The following SDK1 variants were observed in gnomAD, a reference collection of about 807,000 sequenced individuals.
SDK1 encodes protein sidekick-1.
A neutral mutation model predicts 245.5 loss-of-function variants in SDK1; 157 were observed. The ratio of observed to expected loss-of-function variants is 0.64; its 90% confidence interval spans 0.56 to 0.73. SDK1 has a LOEUF of 0.73. SDK1 is among the 30% of genes least tolerant of loss of function. The pLI is 0.00. For missense variants in SDK1, 3,583 were observed against 3,002.3 expected (o/e 1.19, Z -4.52); for synonymous variants, 1,647 against 1,278.5 (o/e 1.29, Z -6.15).
chr7:3,716,487 T>C (rs2115024141), intron 4 of SDK1, among the ~76,000 whole-genome samples: 1 of 152,312 alleles, frequency 6.6e-6, no homozygotes, highest in African/African-American at 2.4e-5. Flanking sequence ...TTATCACGTG[T>C]AATATCAGAC....
At chr7:3,912,900 C>T (rs1251243323) in intron 5 of SDK1, among the ~76,000 whole-genome samples, 1 of 152,228 alleles carries the variant, frequency 6.6e-6, no homozygotes, top group African/African-American at 2.4e-5. Context: ...TCCACTACGA[C>T]ATCTGTTCCC....
At chr7:3,691,210 T>C (rs888841294) in intron 4 of SDK1, among the ~76,000 whole-genome samples, 9 of 152,146 alleles carry the variant, frequency 5.9e-5, no homozygotes, top group African/African-American at 1.9e-4. Flanking sequence ...TTCTGGACTT[T>C]AGATTTGCAA....
chr7:3,625,795 A>T (rs1782097708), intron 2 of SDK1, among the ~76,000 whole-genome samples: 1 of 152,178 alleles, frequency 6.6e-6, no homozygotes, highest in Non-Finnish European at 1.5e-5. Context: ...CCAGGACAGG[A>T]AGCAAGAAAT....
chr7:4,267,940 C>T lies in SDK1; in HGVS notation c.*2556C>T. ...CTGGATGTTTCCAGGTAGATTTTGGCCTCCCAGAGCAATGCGGCATTTGAG... is the reference window on the plus strand; with the variant it reads ...CTGGATGTTTCCAGGTAGATTTTGGTCTCCCAGAGCAATGCGGCATTTGAG... On this transcript the variant is annotated 3_prime_UTR_variant, in exon 45 of 45. Transcript: ENST00000404826. 1 of 985,458 alleles carries T rather than the reference C, an allele frequency of 1.0e-6. No individual in the cohort carries two copies. The highest frequency in any genetic ancestry group is 1.2e-6 in the Non-Finnish European group (1 of 829,966). The allele number at this position is 985,458 out of a possible 1,614,324, so 61.0% of individuals were successfully genotyped here. A position where few individuals can be genotyped will look rare whatever the true frequency, so the allele number is the denominator to read the frequency against.
intron 5 of SDK1, among the ~76,000 whole-genome samples, chr7:3,945,633 C>T (rs554414747): frequency 2.4e-4 from 37 of 152,140 alleles, no homozygotes; most frequent in Non-Finnish European, 4.0e-4. Flanking sequence ...TGGTGGCTCA[C>T]GCCTGTAATC....
intron 1 of SDK1, among the ~76,000 whole-genome samples, chr7:3,593,851 G>T (rs903838467): frequency 2.0e-5 from 3 of 152,180 alleles, no homozygotes; most frequent in Non-Finnish European, 4.4e-5. Flanking sequence ...CTGAACCCCT[G>T]TGTGCCCGTT....
chr7:3,986,792 G>A (rs776959201), intron 13 of SDK1, among the ~76,000 whole-genome samples: 3 of 152,180 alleles, frequency 2.0e-5, no homozygotes, highest in South Asian at 2.1e-4. Context: ...CCCAGGAGGC[G>A]GAGGTTGCAG....
intron 7 of SDK1, 107 bp downstream of exon 7, chr7:3,952,027 C>A: frequency 9.6e-7 from 1 of 1,042,244 alleles, no homozygotes; most frequent in Non-Finnish European, 1.4e-6. Context: ...ATTTGTAACT[C>A]GGCAAATGAA....
At chr7:3,620,482 T>C (rs1288821252) in intron 2 of SDK1, among the ~76,000 whole-genome samples, 1 of 152,076 alleles carries the variant, frequency 6.6e-6, no homozygotes. Flanking sequence ...TTTGTATTTT[T>C]AGTAGAGATG....
chr7:4,226,736 C>T (rs1007819495), intron 40 of SDK1, among the ~76,000 whole-genome samples: 2 of 152,214 alleles, frequency 1.3e-5, no homozygotes, highest in African/African-American at 4.8e-5. Context: ...GCACTGGAAA[C>T]TATGCACTGG....
intron 4 of SDK1, among the ~76,000 whole-genome samples, chr7:3,675,876 G>C (rs890278968): frequency 5.3e-5 from 8 of 152,058 alleles, no homozygotes; most frequent in African/African-American, 1.7e-4. Flanking sequence ...TTTTAATTGG[G>C]TTGTTTTTTG....
At chr7:3,980,458 C>G (rs1427465196) in intron 13 of SDK1, among the ~76,000 whole-genome samples, 1 of 152,192 alleles carries the variant, frequency 6.6e-6, no homozygotes, top group Non-Finnish European at 1.5e-5. Context: ...TTATCACTGT[C>G]TGTGAGTCAC....
intron 4 of SDK1, among the ~76,000 whole-genome samples, chr7:3,644,802 A>AAAAAAG (rs1297841435): frequency 7.5e-6 from 1 of 133,144 alleles, no homozygotes; most frequent in Admixed American, 7.9e-5. Flanking sequence ...ACAAAAAACA[A>AAAAAAG]CAACAACGGC....
At chr7:4,023,970 T>A (rs550488848) in intron 17 of SDK1, among the ~76,000 whole-genome samples, 1 of 152,356 alleles carries the variant, frequency 6.6e-6, no homozygotes, top group African/African-American at 2.4e-5. Context: ...AATTCATCCA[T>A]TAAGACGCAG....
intron 4 of SDK1, among the ~76,000 whole-genome samples, chr7:3,697,377 C>T (rs1784605428): frequency 6.6e-6 from 1 of 152,208 alleles, no homozygotes; most frequent in South Asian, 2.1e-4. Context: ...TGCTTCTTCT[C>T]AGCAATTAGG....
At chr7:4,205,668 G>C (rs1022624481) in intron 35 of SDK1, among the ~76,000 whole-genome samples, 2 of 152,240 alleles carry the variant, frequency 1.3e-5, no homozygotes, top group African/African-American at 4.8e-5. Context: ...TGGCATAAAA[G>C]GGCTGAGAGC....
At chr7:4,177,421 T>C (rs1289094946) in intron 34 of SDK1, among the ~76,000 whole-genome samples, 1 of 152,212 alleles carries the variant, frequency 6.6e-6, no homozygotes, top group Non-Finnish European at 1.5e-5. Context: ...AGCTGGTGCT[T>C]GGCCCCCTGC....
intron 1 of SDK1, among the ~76,000 whole-genome samples, chr7:3,472,109 C>T (rs1781203066): frequency 6.6e-6 from 1 of 152,124 alleles, no homozygotes; most frequent in Admixed American, 6.5e-5. Flanking sequence ...ATCTGTGTCT[C>T]CTTCCCACTG....
At chr7:4,181,103 T>C (rs1384593081) in intron 35 of SDK1, among the ~76,000 whole-genome samples, 1 of 152,208 alleles carries the variant, frequency 6.6e-6, no homozygotes, top group African/African-American at 2.4e-5. Context: ...AGGCCCCCTT[T>C]TCCCTCTTTT....
Sources: allele counts gnomAD v4.1 joint callset (sites outside exome capture counted in the v4.1 genomes callset), GRCh38; gene constraint gnomAD v4.1.1; transcripts MANE v1.5; gene names NCBI Gene and HGNC (gene_info 2026-07-23, HGNC 2026-07-21).